The following PRMT8 variants were observed in gnomAD, a reference collection of about 807,000 sequenced individuals.
The protein encoded by PRMT8 is protein arginine methyltransferase 8, also known as protein arginine N-methyltransferase 8.
A neutral mutation model predicts 47.1 loss-of-function variants in PRMT8; 7 were observed. The observed-to-expected ratio is 0.15, with a 90% CI of 0.08 to 0.28. The LOEUF is 0.28. Ranked by LOEUF, PRMT8 falls within the 10% of genes least tolerant of loss-of-function variation. The pLI is 1.00. For missense variants in PRMT8, 237 were observed against 505.4 expected, an observed-to-expected ratio of 0.47 and a Z score of 5.09; for synonymous variants, 188 against 186.5, an observed-to-expected ratio of 1.01 and a Z score of -0.07.
At chr12:3,445,915 C>T (rs578081813) in intron 1 of PRMT8, among the ~76,000 whole-genome samples, 1 of 152,266 alleles carries the variant, frequency 6.6e-6, no homozygotes, top group Admixed American at 6.5e-5. Context: ...CCGTCCTGAG[C>T]CACCTACCTC....
At chr12:3,474,433 G>T (rs1390354274) in intron 1 of PRMT8, among the ~76,000 whole-genome samples, 1 of 152,048 alleles carries the variant, frequency 6.6e-6, no homozygotes, top group Non-Finnish European at 1.5e-5. Flanking sequence ...CCAGCATGCG[G>T]GACCCATGGT....
rs1866336616 is a variant in PRMT8, at chr12:3,546,944, C to G, written c.262-2992C>G. 5.9e-5 allele frequency among the ~76,000 whole-genome samples: 9 copies of G among 152,128 alleles called. No homozygotes were observed. In the South Asian group the frequency reaches 1.9e-3, roughly 32 times the overall value. On this transcript the variant is annotated intron_variant, in intron 2 of 9. Transcript: ENST00000382622. ...CCAGCAATATTTTAAAAGGGTAATA[C>G]ATCATGACAAAGTGTTCATTTAACA...
chr12:3,460,337 C>T (rs1036363802), intron 1 of PRMT8, among the ~76,000 whole-genome samples: 2 of 152,190 alleles, frequency 1.3e-5, no homozygotes, highest in East Asian at 1.9e-4. Flanking sequence ...TGTGAATACA[C>T]GTCCCTGTCA....
At chr12:3,390,278 A>G (rs1864181569) in intron 1 of PRMT8, among the ~76,000 whole-genome samples, 1 of 152,232 alleles carries the variant, frequency 6.6e-6, no homozygotes, top group South Asian at 2.1e-4. Context: ...AGCTGGAAGG[A>G]AGGAGTATGC....
intron 1 of PRMT8, among the ~76,000 whole-genome samples, chr12:3,513,008 C>G (rs1233380994): frequency 6.6e-6 from 1 of 152,144 alleles, no homozygotes; most frequent in Non-Finnish European, 1.5e-5. Flanking sequence ...ACTTGCTCAT[C>G]ATGTGACAGG....
chr12:3,441,398 G>A (rs752163024), intron 1 of PRMT8, among the ~76,000 whole-genome samples: 4 of 152,152 alleles, frequency 2.6e-5, no homozygotes, highest in Admixed American at 2.0e-4. Flanking sequence ...TTTCCTCAAC[G>A]CTGCCAGGGC....
At chr12:3,411,695 T>C (rs963498902) in intron 1 of PRMT8, among the ~76,000 whole-genome samples, 2 of 152,184 alleles carry the variant, frequency 1.3e-5, no homozygotes, top group Non-Finnish European at 2.9e-5. Flanking sequence ...GGTCATCTTA[T>C]CTAATGGGTC....
chr12:3,461,442 C>T (rs1000100952), intron 1 of PRMT8, among the ~76,000 whole-genome samples: 2 of 152,208 alleles, frequency 1.3e-5, no homozygotes, highest in African/African-American at 4.8e-5. Context: ...TGTGCCATTT[C>T]CTTGGGCACT....
intron 1 of PRMT8, among the ~76,000 whole-genome samples, chr12:3,429,897 G>A (rs552372328): frequency 6.6e-6 from 1 of 152,226 alleles, no homozygotes; most frequent in Non-Finnish European, 1.5e-5. Flanking sequence ...ATGCTCCACA[G>A]GGCAGGCCTA....
chr12:3,466,139 A>C (rs1421042084), intron 1 of PRMT8, among the ~76,000 whole-genome samples: 1 of 152,202 alleles, frequency 6.6e-6, no homozygotes, highest in Non-Finnish European at 1.5e-5. Flanking sequence ...ATCTCGGTTT[A>C]AGTCTGGGCA....
At position 3,432,664 on chromosome 12, in the gene PRMT8, G is replaced by A. The variant is rs902810178; in HGVS notation, c.48+51222G>A. Among the ~76,000 whole-genome samples the A allele has an allele frequency of 4.6e-5, 7 of 152,280 alleles. No homozygotes were observed. In the South Asian group the frequency reaches 1.2e-3, roughly 27 times the overall value. On this transcript the variant is annotated intron_variant, in intron 1 of 9. Coordinates refer to the PRMT8 transcript ENST00000452611. ...CTCTGGGCAAGAGGCTGCAGGTCTC[G>A]GTGCCTGCCTGGCCTTCCATTCTAG... is the stretch of plus-strand genomic sequence containing the variant.
In PRMT8 at chr12:3,492,515, G is replaced by A. The variant is rs1865436931; in HGVS notation, c.75+815G>A. ...CTTTTGAGGAGGTCGCTCTAGCTCC[G>A]CAAATTGTGTTCTCGGCCCCCGCCT... On this transcript the variant is annotated intron_variant, in intron 1 of 9. Coordinates refer to ENST00000382622, the MANE Select transcript of PRMT8 (RefSeq NM_019854.5). The surrounding 1 kb of genome is among the most constrained non-coding windows in gnomAD (Gnocchi z 7.5). Among the ~76,000 whole-genome samples, 1 of 152,192 alleles carries A rather than the reference G, an allele frequency of 6.6e-6. No individual in the cohort carries two copies. Among genetic ancestry groups the A allele is most frequent in the Non-Finnish European group, 1.5e-5 (1 of 68,032 alleles).
At chr12:3,433,840 G>T (rs904137648) in intron 1 of PRMT8, among the ~76,000 whole-genome samples, 1 of 152,188 alleles carries the variant, frequency 6.6e-6, no homozygotes, top group African/African-American at 2.4e-5. Context: ...TCGAACTCAG[G>T]TGATCCACCT....
intron 8 of PRMT8, among the ~76,000 whole-genome samples, chr12:3,587,313 AAAAT>A (rs1404481568): frequency 6.7e-6 from 1 of 150,362 alleles, no homozygotes; most frequent in African/African-American, 2.4e-5. Flanking sequence ...AAATACTAAC[AAAAT>A]AAATTAATAA....
At position 3,588,512 on chromosome 12, in the gene PRMT8, T is replaced by C. The variant is rs185356896; in HGVS notation, c.980-3719T>C. ...TCATAGTGCCCACCCTACTTCTCACTATTTGCCTGAATGTCTTCTCACTGA... is the reference window on the plus strand; with the variant it reads ...TCATAGTGCCCACCCTACTTCTCACCATTTGCCTGAATGTCTTCTCACTGA... On this transcript the variant is annotated intron_variant, in intron 8 of 9. Transcript: ENST00000382622. 7.9e-5 allele frequency among the ~76,000 whole-genome samples: 12 copies of C among 152,276 alleles called. No homozygotes were observed. The East Asian group carries it at 2.3e-3, about 29-fold the overall frequency.
intron 1 of PRMT8, among the ~76,000 whole-genome samples, chr12:3,522,327 C>T (rs1183405537): frequency 2.0e-5 from 3 of 152,158 alleles, no homozygotes; most frequent in African/African-American, 7.2e-5. Flanking sequence ...GTTCACAGTT[C>T]ACCACTTCCA....
chr12:3,542,450 T>C (rs1245545385), intron 2 of PRMT8, among the ~76,000 whole-genome samples: 2 of 152,216 alleles, frequency 1.3e-5, no homozygotes, highest in Non-Finnish European at 2.9e-5. Context: ...GAGAGGCTCT[T>C]GGGGGCAAAA....
intron 1 of PRMT8, among the ~76,000 whole-genome samples, chr12:3,464,270 T>TAAA (rs372550984): frequency 1.5e-5 from 2 of 129,364 alleles, no homozygotes; most frequent in Non-Finnish European, 1.7e-5. Context: ...TGAATCCTGG[T>TAAA]AAAAAAAAAA....
chr12:3,482,143 T>C (rs11062675), intron 1 of PRMT8, among the ~76,000 whole-genome samples: 33,794 of 152,100 alleles, frequency 0.22, 4,009 homozygotes, highest in South Asian at 0.3. Context: ...CAGGACTTGT[T>C]TTATGGGCCA....
Sources: allele counts gnomAD v4.1 joint callset (sites outside exome capture counted in the v4.1 genomes callset), GRCh38; gene constraint gnomAD v4.1.1; non-coding constraint Gnocchi (gnomAD v3.1); transcripts MANE v1.5; gene names NCBI Gene and HGNC (gene_info 2026-07-23, HGNC 2026-07-21).